The following GRM1 variants were observed in gnomAD, a reference collection of about 807,000 sequenced individuals.
GRM1 encodes the protein metabotropic glutamate receptor 1.
GRM1 carries 33 observed loss-of-function variants against 90.9 expected under a neutral mutation model. The observed-to-expected ratio is 0.36, with a 90% CI of 0.28 to 0.49. The LOEUF (loss-of-function observed/expected upper bound fraction) is 0.49, where lower values mean the gene tolerates loss of function less well. GRM1 is among the 20% of genes least tolerant of loss of function. GRM1 has a pLI of 0.99. For synonymous variants in GRM1, 700 were observed against 613.2 expected (o/e 1.14, Z -2.09); for missense variants, 1,190 against 1,534.3 (o/e 0.78, Z 3.75).
chr6:146,354,913 T>C (rs1785530869), intron 4 of GRM1, among the ~76,000 whole-genome samples: 1 of 152,182 alleles, frequency 6.6e-6, no homozygotes, highest in African/African-American at 2.4e-5. Context: ...CCATAGTTTT[T>C]TTCCCAGCTT....
chr6:146,074,100 C>A (rs960672010), intron 1 of GRM1, among the ~76,000 whole-genome samples: 7 of 151,834 alleles, frequency 4.6e-5, no homozygotes, highest in Non-Finnish European at 1.5e-5. Context: ...AAAGAGATAC[C>A]GAGATAAAAA....
At chr6:146,315,593 C>G (rs1783938109) in intron 3 of GRM1, among the ~76,000 whole-genome samples, 1 of 152,118 alleles carries the variant, frequency 6.6e-6, no homozygotes, top group Non-Finnish European at 1.5e-5. Context: ...ATCGGGAAAG[C>G]TTTTACACAA....
intron 1 of GRM1, among the ~76,000 whole-genome samples, chr6:146,038,749 A>C (rs1790984689): frequency 6.6e-6 from 1 of 151,618 alleles, no homozygotes; most frequent in Non-Finnish European, 1.5e-5. Context: ...AATCAGAGAC[A>C]GTTTCCTCTG....
chr6:146,353,554 C>T (rs914200999), intron 4 of GRM1, among the ~76,000 whole-genome samples: 2 of 152,204 alleles, frequency 1.3e-5, no homozygotes, highest in African/African-American at 4.8e-5. Context: ...CAAGTGCTCT[C>T]ACTCTGAGGC....
chr6:146,298,193 ACTTTTGTGCC>A (rs1364669718), intron 2 of GRM1, among the ~76,000 whole-genome samples: 2 of 152,008 alleles, frequency 1.3e-5, no homozygotes, highest in African/African-American at 4.8e-5. Flanking sequence ...CTCCATATAT[ACTTTTGTGCC>A]CTTTTCACAT....
At chr6:146,256,948 A>G (rs138076183) in intron 2 of GRM1, among the ~76,000 whole-genome samples, 194 of 152,168 alleles carry the variant, frequency 1.3e-3, no homozygotes, top group African/African-American at 4.2e-3. Flanking sequence ...GTGTTACTCC[A>G]TGCTCCAGAT....
At chr6:146,413,536 G>T (rs2206954) in intron 7 of GRM1, among the ~76,000 whole-genome samples, 1 of 151,966 alleles carries the variant, frequency 6.6e-6, no homozygotes, top group Non-Finnish European at 1.5e-5. Context: ...CACATTTTCT[G>T]TAATCCTTTT....
intron 1 of GRM1, among the ~76,000 whole-genome samples, chr6:146,140,491 A>G (rs147368781): frequency 6.6e-6 from 1 of 152,206 alleles, no homozygotes; most frequent in East Asian, 1.9e-4. Flanking sequence ...CTGGTCTTGA[A>G]TTCATGGCTT....
chr6:146,244,677 A>G (rs1247289084), intron 2 of GRM1, among the ~76,000 whole-genome samples: 1 of 152,202 alleles, frequency 6.6e-6, no homozygotes, highest in African/African-American at 2.4e-5. Context: ...TATTTGTTTT[A>G]AGTGCTAGTT....
intron 2 of GRM1, among the ~76,000 whole-genome samples, chr6:146,181,223 C>T (rs977943413): frequency 2.7e-5 from 4 of 147,840 alleles, no homozygotes; most frequent in African/African-American, 7.9e-5. Flanking sequence ...AATGTTCACA[C>T]ATAACTTGCC....
At chr6:146,167,523 T>A (rs1583101761) in intron 2 of GRM1, among the ~76,000 whole-genome samples, 2 of 152,106 alleles carry the variant, frequency 1.3e-5, no homozygotes, top group African/African-American at 4.8e-5. Flanking sequence ...GTATGAGAGT[T>A]CTAATTCCTC....
chr6:146,242,774 A>C (rs537728892), intron 2 of GRM1, among the ~76,000 whole-genome samples: 2 of 152,198 alleles, frequency 1.3e-5, no homozygotes, highest in East Asian at 3.9e-4. Context: ...AAGGCCTAGA[A>C]TATTTTCCCT....
intron 1 of GRM1, among the ~76,000 whole-genome samples, chr6:146,107,807 C>A (rs1775378240): frequency 6.6e-6 from 1 of 152,158 alleles, no homozygotes; most frequent in Admixed American, 6.5e-5. Context: ...TGAGAGGCCA[C>A]TTCCCTAATA....
intron 7 of GRM1, among the ~76,000 whole-genome samples, chr6:146,421,406 T>C (rs1276602773): frequency 6.6e-6 from 1 of 152,120 alleles, no homozygotes; most frequent in Non-Finnish European, 1.5e-5. Context: ...TGAATGGAAA[T>C]GTAATGTCAA....
At chr6:146,066,522 T>A (rs1416241972) in intron 1 of GRM1, among the ~76,000 whole-genome samples, 2 of 152,292 alleles carry the variant, frequency 1.3e-5, no homozygotes, top group African/African-American at 4.8e-5. Context: ...AACATATGGT[T>A]GCATGTGTCT....
At chr6:146,111,635 T>C (rs1423721041) in intron 1 of GRM1, among the ~76,000 whole-genome samples, 2 of 152,194 alleles carry the variant, frequency 1.3e-5, no homozygotes, top group East Asian at 1.9e-4. Context: ...GAGTTGTTCA[T>C]GCAGGATAAC....
chr6:146,266,936 TG>T (rs1367687519), intron 2 of GRM1, among the ~76,000 whole-genome samples: 8 of 152,204 alleles, frequency 5.3e-5, no homozygotes, highest in African/African-American at 1.7e-4. Flanking sequence ...TGTGCAGGTT[TG>T]TTACATAGGT....
intron 1 of GRM1, among the ~76,000 whole-genome samples, chr6:146,071,541 T>A (rs1210271336): frequency 2.6e-5 from 4 of 152,150 alleles, no homozygotes; most frequent in Non-Finnish European, 5.9e-5. Context: ...AGGCAAGACT[T>A]TTTGGAAGAG....
intron 5 of GRM1, among the ~76,000 whole-genome samples, chr6:146,381,073 G>A (rs776016839): frequency 2.6e-5 from 4 of 152,172 alleles, no homozygotes; most frequent in Non-Finnish European, 4.4e-5. Flanking sequence ...GCTACCAGCT[G>A]TACAGGCTGG....
Sources: gnomAD v4.1 joint callset for allele counts (sites outside exome capture counted in the v4.1 genomes callset) on GRCh38, gnomAD v4.1.1 for gene constraint, MANE v1.5 for transcripts, NCBI Gene and HGNC (gene_info 2026-07-23, HGNC 2026-07-21) for gene names.